Variants in MAGI3 observed in about 807,000 individuals in gnomAD.
MAGI3 encodes the protein membrane associated guanylate kinase, WW and PDZ domain containing 3, also known as membrane-associated guanylate kinase, WW and PDZ domain-containing protein 3.
MAGI3 carries 43 observed loss-of-function variants against 121.8 expected under a neutral mutation model. The ratio of observed to expected loss-of-function variants is 0.35; its 90% CI spans 0.28 to 0.46. The LOEUF is 0.46. Among genes scored for constraint, MAGI3 ranks in the 20% least tolerant of loss-of-function variants. The pLI is 1.00. For synonymous variants in MAGI3, 553 were observed against 639.3 expected, an observed-to-expected ratio of 0.86 and a Z score of 2.04; for missense variants, 1,547 against 1,797.3, an observed-to-expected ratio of 0.86 and a Z score of 2.52.
intron 10 of MAGI3, 66 bp from the exon 11 acceptor site, chr1:113,643,677 T>G: frequency 6.9e-7 from 1 of 1,446,496 alleles, no homozygotes; most frequent in Non-Finnish European, 9.7e-7. Context: ...ATCGTAAACA[T>G]TAGCAGTATT....
chr1:113,610,381 T>A (rs192718454), intron 6 of MAGI3, among the ~76,000 whole-genome samples: 2 of 152,330 alleles, frequency 1.3e-5, no homozygotes, highest in East Asian at 1.9e-4. Context: ...TAAGGTTCTG[T>A]TCTTCACCTT....
At chr1:113,646,271 A>T (rs1022551974) in intron 11 of MAGI3, among the ~76,000 whole-genome samples, 1 of 152,162 alleles carries the variant, frequency 6.6e-6, no homozygotes, top group Admixed American at 6.5e-5. Context: ...AGTTGATATT[A>T]CTATAAACTT....
intron 1 of MAGI3, among the ~76,000 whole-genome samples, chr1:113,454,475 T>G (rs1018912327): frequency 2.6e-5 from 4 of 152,174 alleles, no homozygotes; most frequent in African/African-American, 9.7e-5. Context: ...GGGATTAGTA[T>G]CTATTACACA....
At chr1:113,529,094 T>C (rs190451213) in intron 1 of MAGI3, among the ~76,000 whole-genome samples, 4 of 152,326 alleles carry the variant, frequency 2.6e-5, no homozygotes, top group South Asian at 4.1e-4. Flanking sequence ...TAAAGTATAG[T>C]TGGAGAAGTT....
At position 113,448,480 on chromosome 1, in the gene MAGI3, G is replaced by A. The variant is rs74625992; in HGVS notation, c.316+57131G>A. Among the ~76,000 whole-genome samples, 1,210 of 152,238 alleles carry A rather than the reference G, an allele frequency of 7.9e-3. 15 individuals carry two copies. The highest frequency in any genetic ancestry group is 0.027 in the African/African-American group (1,107 of 41,526). Reference sequence around the variant, plus strand: ...AGATATTCCGTTAAATATTGGATACGAAATGTTTTTTAATTGATAAATAAT... The same window carrying A: ...AGATATTCCGTTAAATATTGGATACAAAATGTTTTTTAATTGATAAATAAT... On this transcript the variant is annotated intron_variant, in intron 1 of 20. Coordinates refer to ENST00000307546, the MANE Select transcript of MAGI3 (RefSeq NM_001142782.2).
At chr1:113,475,683 A>G (rs953076090) in intron 1 of MAGI3, among the ~76,000 whole-genome samples, 2 of 152,136 alleles carry the variant, frequency 1.3e-5, no homozygotes, top group Admixed American at 1.3e-4. Flanking sequence ...TTGGTCTAAA[A>G]TTCTCTTTTT....
chr1:113,561,923 G>A (rs997808210), intron 2 of MAGI3, among the ~76,000 whole-genome samples: 10 of 152,068 alleles, frequency 6.6e-5, no homozygotes, highest in African/African-American at 2.4e-4. Context: ...AAATCTCAGG[G>A]TACAAAATCA....
At position 113,549,612 on chromosome 1, in the gene MAGI3, C is replaced by G. The variant is rs368391166; in HGVS notation, c.414C>G (p.Leu138=). The G allele has an allele frequency of 4.5e-5, 71 of 1,590,874 alleles. No homozygotes were observed. Among genetic ancestry groups the G allele is most frequent in the Non-Finnish European group, 5.8e-5 (68 of 1,164,810 alleles). ...TGCAGCAAGTGATCAGAGATAATCT[C>G]TACTTGAGAACCATTCCATGTAAGT... ...HKLQQVIRDN[L]YLRTIPCTTR... The change falls in exon 2 of 21, where the codon CTC becomes CTG. Residue 138 remains leucine, a synonymous_variant. Transcript: ENST00000307546.
intron 12 of MAGI3, 143 bp downstream of exon 12, chr1:113,646,785 A>G (rs766392409): frequency 9.7e-6 from 6 of 619,298 alleles, no homozygotes; most frequent in Non-Finnish European, 1.5e-5. Context: ...GACTTCTTCC[A>G]TGTATATTCG....
intron 9 of MAGI3, among the ~76,000 whole-genome samples, chr1:113,623,316 T>C (rs182908108): frequency 5.3e-5 from 8 of 152,058 alleles, no homozygotes; most frequent in African/African-American, 1.9e-4. Flanking sequence ...ACTCTTTTAG[T>C]TATAAAATAT....
rs139532433 is a variant in MAGI3, at chr1:113,395,087, G to GTTTTTTT, written c.316+3761_316+3767dup. On this transcript the variant is annotated intron_variant, in intron 1 of 20. Transcript: ENST00000307546. Reference sequence around the variant, plus strand: ...TCTTATCTCTTGAATCTTTTTGTTAGTTTTTTTTTTTTTTTTTTTTTTTTT... The same window carrying GTTTTTTT: ...TCTTATCTCTTGAATCTTTTTGTTAGTTTTTTTTTTTTTTTTTTTTTTTTTTTTTTTT... 1.6e-3 allele frequency among the ~76,000 whole-genome samples: 54 copies of GTTTTTTT among 33,230 alleles called. 5 individuals carry two copies. Among genetic ancestry groups the GTTTTTTT allele is most frequent in the Admixed American group, 2.0e-3 (5 of 2,488 alleles). 21.8% of individuals were successfully genotyped at this position (33,230 alleles called of 152,430 possible).
At chr1:113,539,946 GC>G (rs1659205533) in intron 1 of MAGI3, among the ~76,000 whole-genome samples, 1 of 151,718 alleles carries the variant, frequency 6.6e-6, no homozygotes, top group Non-Finnish European at 1.5e-5. Flanking sequence ...GCACCACAAC[GC>G]CCAGCTAATT....
At chr1:113,656,811 T>A (rs557322911) in intron 15 of MAGI3, among the ~76,000 whole-genome samples, 24 of 152,296 alleles carry the variant, frequency 1.6e-4, no homozygotes, top group African/African-American at 5.8e-4. Flanking sequence ...GTTATGGAAT[T>A]CTGAGTTTCT....
chr1:113,564,098 C>T (rs1660342198), intron 2 of MAGI3, among the ~76,000 whole-genome samples: 1 of 152,172 alleles, frequency 6.6e-6, no homozygotes, highest in South Asian at 2.1e-4. Context: ...TTCAGATTGC[C>T]ATGTGGTTTC....
intron 1 of MAGI3, among the ~76,000 whole-genome samples, chr1:113,419,694 A>G (rs1652636355): frequency 6.6e-6 from 1 of 152,126 alleles, no homozygotes. Context: ...TTGCAAAGAG[A>G]GTGATTGGTT....
chr1:113,588,897 G>A (rs1217239), intron 4 of MAGI3, among the ~76,000 whole-genome samples: 4,187 of 152,178 alleles, frequency 0.028, 143 homozygotes, highest in African/African-American at 0.076. Context: ...GCTGCCAAGG[G>A]GTAAAGAGAA....
At chr1:113,670,265 G>C (rs1295103911) in intron 16 of MAGI3, among the ~76,000 whole-genome samples, 1 of 152,180 alleles carries the variant, frequency 6.6e-6, no homozygotes, top group Admixed American at 6.5e-5. Context: ...TCTCTGGCCT[G>C]TGTTTTTAGA....
rs572938923 is a variant in MAGI3, at chr1:113,658,916, A to C, written c.2630-164A>C. Among the ~76,000 whole-genome samples the C allele has an allele frequency of 1.3e-5, 2 of 152,346 alleles. No individual in the cohort carries two copies. Among genetic ancestry groups the C allele is most frequent in the South Asian group, 2.1e-4 (1 of 4,828 alleles). ...CATGTGGGCAAAAGTGAGAAGTATG[A>C]AAATAGTTCCGTTTGGATGCGATGA... On this transcript the variant is annotated intron_variant, in intron 15 of 20. Transcript: ENST00000307546. This position sits in a 1 kb window ranked among gnomAD's most constrained non-coding sequence, Gnocchi z 4.0.
chr1:113,548,591 G>A (rs1199298194), intron 1 of MAGI3, among the ~76,000 whole-genome samples: 1 of 152,228 alleles, frequency 6.6e-6, no homozygotes, highest in African/African-American at 2.4e-5. Flanking sequence ...GTGTTTGACA[G>A]TGGGAAGAGT....
Sources: gnomAD v4.1 joint callset for allele counts (sites outside exome capture counted in the v4.1 genomes callset) on GRCh38, gnomAD v4.1.1 for gene constraint, Gnocchi (gnomAD v3.1) non-coding constraint, MANE v1.5 for transcripts, NCBI Gene and HGNC (gene_info 2026-07-23, HGNC 2026-07-21) for gene names.